DPP6: variants seen among roughly 807,000 people sequenced by gnomAD.
The protein encoded by DPP6 is dipeptidyl peptidase like 6.
Under a neutral mutation model 122.6 loss-of-function variants are expected in DPP6, and 69 were observed. The ratio of observed to expected loss-of-function variants is 0.56; its 90% CI spans 0.46 to 0.69. The LOEUF (loss-of-function observed/expected upper bound fraction) is 0.69, where lower values mean the gene tolerates loss of function less well. Among genes scored for constraint, DPP6 ranks in the 30% least tolerant of loss-of-function variants. The pLI is 0.00. For synonymous variants in DPP6, 418 were observed against 433.1 expected (o/e 0.97, Z 0.43); for missense variants, 928 against 1,116.9 (o/e 0.83, Z 2.41).
At chr7:154,266,653 T>C (rs1480293047) in intron 1 of DPP6, among the ~76,000 whole-genome samples, 1 of 152,226 alleles carries the variant, frequency 6.6e-6, no homozygotes, top group Non-Finnish European at 1.5e-5. Flanking sequence ...AATTCATTGG[T>C]TAACTAACAG....
intron 1 of DPP6, among the ~76,000 whole-genome samples, chr7:154,119,481 T>C (rs1015680516): frequency 2.6e-5 from 4 of 152,020 alleles, no homozygotes; most frequent in African/African-American, 7.2e-5. Context: ...ACAACGTCTG[T>C]GTACCTTGTT....
intron 1 of DPP6, among the ~76,000 whole-genome samples, chr7:154,036,914 A>G (rs1274573490): frequency 6.6e-6 from 1 of 152,204 alleles, no homozygotes; most frequent in East Asian, 1.9e-4. Context: ...CCCAGCAGGC[A>G]CACGGTGGGT....
At chr7:154,687,372 G>A (rs1839678661) in intron 7 of DPP6, among the ~76,000 whole-genome samples, 2 of 152,194 alleles carry the variant, frequency 1.3e-5, no homozygotes, top group East Asian at 3.9e-4. Flanking sequence ...TTTGCTATGT[G>A]CATTTTGCTC....
chr7:154,140,500 A>G (rs1223343634), intron 1 of DPP6, among the ~76,000 whole-genome samples: 1 of 152,134 alleles, frequency 6.6e-6, no homozygotes, highest in Admixed American at 6.6e-5. Flanking sequence ...TTTATATTAA[A>G]AAGAGAGATG....
At chr7:154,674,576 T>C (rs1838771362) in intron 7 of DPP6, among the ~76,000 whole-genome samples, 1 of 152,220 alleles carries the variant, frequency 6.6e-6, no homozygotes, top group African/African-American at 2.4e-5. Context: ...TCTTTGCTGG[T>C]ACACTCGGAA....
rs754508730 is a variant in DPP6 at position 154,806,965 on chromosome 7, A to G, written c.1548-29A>G. 3 of 1,611,540 alleles carry G rather than the reference A, an allele frequency of 1.9e-6. No homozygotes were observed. In the South Asian group the frequency reaches 3.3e-5, roughly 18 times the overall value. ...TGGAGGGCAGCTCCTCTCCGCCCAC[A>G]TTCACACCTGCGTCCTTTGCTCTTC... On this transcript the variant is annotated intron_variant, in intron 15 of 25. Coordinates refer to ENST00000377770, the MANE Select transcript of DPP6 (RefSeq NM_130797.4).
chr7:154,707,767 C>T (rs186799844), intron 7 of DPP6, among the ~76,000 whole-genome samples: 1 of 152,312 alleles, frequency 6.6e-6, no homozygotes, highest in African/African-American at 2.4e-5. Flanking sequence ...TTCCTCGTGG[C>T]TGAGGAGACC....
the DPP6 span, among the ~76,000 whole-genome samples, chr7:153,871,812 T>C: frequency 1.8e-4 from 27 of 152,310 alleles, no homozygotes; most frequent in African/African-American, 6.3e-4. Context: ...AAATAGTGTA[T>C]TTTAGACAGT....
chr7:154,346,163 A>G (rs935503795), intron 1 of DPP6, among the ~76,000 whole-genome samples: 3 of 152,170 alleles, frequency 2.0e-5, no homozygotes, highest in Admixed American at 6.5e-5. Flanking sequence ...ATTTGCGAGT[A>G]TATCTCACTC....
chr7:154,328,777 A>G (rs738050), intron 1 of DPP6, among the ~76,000 whole-genome samples: 75,182 of 151,572 alleles, frequency 0.5, 19,392 homozygotes, highest in East Asian at 0.71. Context: ...CTTGTCATTA[A>G]CCCCGTTGCC....
chr7:153,790,075 T>A, the DPP6 span, among the ~76,000 whole-genome samples: 1 of 152,134 alleles, frequency 6.6e-6, no homozygotes, highest in Non-Finnish European at 1.5e-5. Flanking sequence ...ATGAATAATT[T>A]CAGTAACTAA....
intron 5 of DPP6, among the ~76,000 whole-genome samples, chr7:154,571,819 C>T (rs1037125122): frequency 6.6e-6 from 1 of 152,180 alleles, no homozygotes; most frequent in Non-Finnish European, 1.5e-5. Flanking sequence ...GTTTTAGTTA[C>T]TTGCCACTGC....
At chr7:154,071,392 C>T (rs970184032) in intron 1 of DPP6, among the ~76,000 whole-genome samples, 3 of 152,150 alleles carry the variant, frequency 2.0e-5, no homozygotes, top group South Asian at 2.1e-4. Context: ...AGCAAGAGTT[C>T]GAAGCGGGGT....
intron 1 of DPP6, among the ~76,000 whole-genome samples, chr7:153,959,184 A>G (rs1339246472): frequency 1.3e-5 from 2 of 151,666 alleles, no homozygotes; most frequent in Non-Finnish European, 2.9e-5. Flanking sequence ...TTTCTGTTGT[A>G]TAAATAGCAG....
chr7:154,017,094 G>A (rs1469045640), intron 1 of DPP6, among the ~76,000 whole-genome samples: 2 of 152,152 alleles, frequency 1.3e-5, no homozygotes, highest in African/African-American at 4.8e-5. Flanking sequence ...TTGAGACAGG[G>A]TCTCACTCTG....
Position 154,795,905 on chromosome 7 carries a change from C to T in DPP6, c.1299+22C>T, listed in dbSNP as rs1014064606. On this transcript the variant is annotated intron_variant, in intron 12 of 25. Coordinates refer to ENST00000377770, the MANE Select transcript of DPP6 (RefSeq NM_130797.4). ...ACAGGTAACTACTGCATGTCCGGGT[C>T]CCCACTGTCACCTCCACCTGATCCA... 3 of 1,605,208 alleles carry T rather than the reference C, an allele frequency of 1.9e-6. No individual in the cohort carries two copies. The Admixed American group carries it at 5.1e-5, about 27-fold the overall frequency.
At chr7:153,783,551 T>A in the DPP6 span, among the ~76,000 whole-genome samples, 2 of 152,230 alleles carry the variant, frequency 1.3e-5, no homozygotes, top group Non-Finnish European at 2.9e-5. Flanking sequence ...TTCAGGTGTT[T>A]CTGACTGATA....
chr7:153,801,650 C>T, the DPP6 span, among the ~76,000 whole-genome samples: 2,056 of 152,186 alleles, frequency 0.014, 23 homozygotes, highest in Non-Finnish European at 0.024. Context: ...GCCTCAGAGC[C>T]TATTTGTGGT....
intron 1 of DPP6, among the ~76,000 whole-genome samples, chr7:154,237,157 C>G (rs1327378561): frequency 6.6e-6 from 1 of 152,174 alleles, no homozygotes; most frequent in Non-Finnish European, 1.5e-5. Flanking sequence ...CAACAGCAGC[C>G]AGAGGAGGGG....
Sources: gnomAD v4.1 joint callset for allele counts (sites outside exome capture counted in the v4.1 genomes callset) on GRCh38, gnomAD v4.1.1 for gene constraint, MANE v1.5 for transcripts, NCBI Gene and HGNC (gene_info 2026-07-23, HGNC 2026-07-21) for gene names.